Variants in COL11A2 observed in about 807,000 individuals in gnomAD.
COL11A2 encodes collagen type XI alpha 2 chain, also known as collagen alpha-2(XI) chain.
COL11A2 carries 116 observed loss-of-function variants against 273.4 expected under a neutral mutation model. The observed-to-expected ratio is 0.42, with a 90% CI of 0.36 to 0.49. The LOEUF (loss-of-function observed/expected upper bound fraction) is 0.49, where lower values mean the gene tolerates loss of function less well. Among genes scored for constraint, COL11A2 ranks in the 20% least tolerant of loss-of-function variants. The pLI, the probability that COL11A2 is intolerant of heterozygous loss-of-function variation, is 0.00. For missense variants in COL11A2, 1,866 were observed against 2,309.0 expected (o/e 0.81, Z 3.93); for synonymous variants, 782 against 864.2 (o/e 0.90, Z 1.67).
chr6:33,176,581 T>C lies in COL11A2; in HGVS notation c.2116-95A>G. The C allele has an allele frequency of 7.0e-7, 1 of 1,419,968 alleles. No individual in the cohort carries two copies. Among genetic ancestry groups the C allele is most frequent in the Admixed American group, 1.8e-5 (1 of 56,510 alleles). The allele number at this position is 1,419,968 out of a possible 1,614,324, so 88.0% of individuals were successfully genotyped here. A position where few individuals can be genotyped will look rare whatever the true frequency, so the allele number is the denominator to read the frequency against. ...AGAAATGGAAGTAACAACATTGCTG[T>C]CTGGGTAGGGTTACGGGGCACAGGA... On this transcript the variant is annotated intron_variant, in intron 26 of 65. Transcript: ENST00000341947. This position sits in a 1 kb window ranked among gnomAD's most constrained non-coding sequence, Gnocchi z 4.9.
In COL11A2 at chr6:33,168,976, G is replaced by A. The variant is rs1007732519; in HGVS notation, c.3831C>T (p.Pro1277=). 3 of 1,609,710 alleles carry A rather than the reference G, an allele frequency of 1.9e-6. No homozygotes were observed. The highest frequency in any genetic ancestry group is 2.5e-6 in the Non-Finnish European group (3 of 1,178,352). ...TCACCCGAGGGCCACCTTCTCCAGG[G>A]GGGCCAGGGTCACCAGGAAAACCAA... ...GPVGFPGDPG[P]PGEGGPRGQD... The change falls in exon 52 of 66, where the codon CCC becomes CCT. Residue 1277 remains proline, a synonymous_variant. Coordinates refer to ENST00000341947, the MANE Select transcript of COL11A2 (RefSeq NM_080680.3).
In COL11A2 at chr6:33,189,986, A is replaced by G. The variant is rs1359517440; in HGVS notation, c.83-517T>C. Among the ~76,000 whole-genome samples, 1 of 152,010 alleles carries G rather than the reference A, an allele frequency of 6.6e-6. No homozygotes were observed. The highest frequency in any genetic ancestry group is 1.5e-5 in the Non-Finnish European group (1 of 67,998). ...ATCTGTCCCGTCTCCAGCACAAACA[A>G]CATCTGGGCAATCGATCATCCTGGA... is the stretch of plus-strand genomic sequence containing the variant. On this transcript the variant is annotated intron_variant, in intron 1 of 65. Transcript: ENST00000341947. The surrounding 1 kb of genome is among the most constrained non-coding windows in gnomAD (Gnocchi z 5.6).
chr6:33,168,475 C>A, intron 54 of COL11A2, 44 bp downstream of exon 54: 1 of 1,609,930 alleles, frequency 6.2e-7, no homozygotes, highest in Non-Finnish European at 8.5e-7. Context: ...ACCCACACAG[C>A]CCAGGGACTG....
Position 33,181,181 on chromosome 6 carries a change from C to CGTCT in COL11A2, c.1120-12_1120-11insAGAC. The CGTCT allele has an allele frequency of 6.2e-7, 1 of 1,614,162 alleles. No homozygotes were observed. Among genetic ancestry groups the CGTCT allele is most frequent in the Non-Finnish European group, 8.5e-7 (1 of 1,180,012 alleles). ...GGGTCCATGGGCAGCCTGAAGGAGACACACATGTAGCCCCCAGTGGGGCCC... is the reference window on the plus strand; with the variant it reads ...GGGTCCATGGGCAGCCTGAAGGAGACGTCTACACATGTAGCCCCCAGTGGGGCCC... On this transcript the variant is annotated splice_polypyrimidine_tract_variant and intron_variant, in intron 8 of 65. Coordinates refer to ENST00000341947, the MANE Select transcript of COL11A2 (RefSeq NM_080680.3).
Position 33,164,367 on chromosome 6 carries a change from C to T in COL11A2, c.4970G>A (p.Gly1657Glu). 6.2e-7 allele frequency: 1 copy of T among 1,612,380 alleles called. No individual in the cohort carries two copies. ...AHQDVSYPCSGAARDGPLRLR... is the reference protein window; with the variant it reads ...AHQDVSYPCSEAARDGPLRLR... ...TCTCAGGGGACCGTCACGGGCTGCTCCAGAGCAGGGGTAGGAGACGTCCTG... is the reference window on the plus strand; with the variant it reads ...TCTCAGGGGACCGTCACGGGCTGCTTCAGAGCAGGGGTAGGAGACGTCCTG... The change falls in exon 65 of 66, where the codon GGA (glycine) becomes GAA (glutamate). Residue 1657 changes from glycine (G) to glutamate (E), a missense_variant. Coordinates refer to ENST00000341947, the MANE Select transcript of COL11A2 (RefSeq NM_080680.3). The surrounding 1 kb of genome is among the most constrained non-coding windows in gnomAD (Gnocchi z 4.7).
chr6:33,172,164 G>A (rs1282879053), intron 40 of COL11A2, 61 bp from the exon 41 acceptor site: 18 of 1,607,340 alleles, frequency 1.1e-5, no homozygotes, highest in Middle Eastern at 3.3e-4. Context: ...GAGAGCTGGA[G>A]AGGGAAGACA....
intron 5 of COL11A2, 49 bp from the exon 6 acceptor site, chr6:33,185,827 A>C (rs756340248): frequency 1.0e-5 from 6 of 583,046 alleles, no homozygotes; most frequent in South Asian, 8.6e-5. Context: ...GGTAATTGGA[A>C]GGTGTGGGGT....
chr6:33,183,051 G>A (rs1004160603), intron 8 of COL11A2, among the ~76,000 whole-genome samples: 2 of 152,174 alleles, frequency 1.3e-5, no homozygotes, highest in Admixed American at 6.5e-5. Context: ...AGGCAAGAGA[G>A]GGGAGGTATG....
In COL11A2 at chr6:33,177,350, C is replaced by T; in HGVS notation, c.1971+62G>A. 1.9e-6 allele frequency: 3 copies of T among 1,604,564 alleles called. No individual in the cohort carries two copies. The highest frequency in any genetic ancestry group is 1.1e-5 in the South Asian group (1 of 90,906). On this transcript the variant is annotated intron_variant, in intron 23 of 65. Coordinates refer to ENST00000341947, the MANE Select transcript of COL11A2 (RefSeq NM_080680.3). The surrounding 1 kb of genome is among the most constrained non-coding windows in gnomAD (Gnocchi z 5.9). ...TTTCCTGTATCCTTCCAGGGTCTCA[C>T]CCATTGTGGAAGCCCAAGGGAAGTC...
At chr6:33,192,990 C>G (rs545617656), upstream of COL11A2, among the ~76,000 whole-genome samples, 7 of 152,164 alleles carry the variant, frequency 4.6e-5, no homozygotes, top group African/African-American at 1.7e-4. Context: ...GGAAGGTGTT[C>G]TACGGAGAGC....
rs1272276115 is a variant in COL11A2 at position 33,166,088 on chromosome 6, G to A, written c.4428+83C>T. ...TCCTGGCTGGAATAAGGGGCTCCTT[G>A]GGGGGAGTCTATTTGTCCTGGAGAG... On this transcript the variant is annotated intron_variant, in intron 61 of 65. Coordinates refer to ENST00000341947, the MANE Select transcript of COL11A2 (RefSeq NM_080680.3). The surrounding 1 kb of genome is among the most constrained non-coding windows in gnomAD (Gnocchi z 4.8). 1.3e-5 allele frequency: 21 copies of A among 1,600,412 alleles called. No individual in the cohort carries two copies. The highest frequency in any genetic ancestry group is 4.0e-5 in the African/African-American group (3 of 74,756).
Position 33,172,091 on chromosome 6 carries a change from A to T in COL11A2, c.3001T>A (p.Leu1001Met). ...CCAGACGGACCTTCATTCCCCTTCA[A>T]ACCAGGTCCACCCTATGAACCAGAC... Reference protein sequence around the residue: ...GLPGTAGGPGLKGNEGPSGPP... With the variant: ...GLPGTAGGPGMKGNEGPSGPP... The change falls in exon 41 of 66, where the codon TTG (leucine) becomes ATG (methionine). Residue 1001 changes from leucine to methionine, a missense_variant. Physicochemically the swap from Leu to Met is conservative, Grantham distance 15 (BLOSUM62 2). Coordinates refer to ENST00000341947, the MANE Select transcript of COL11A2 (RefSeq NM_080680.3). 1.2e-6 allele frequency: 2 copies of T among 1,612,800 alleles called. No individual in the cohort carries two copies. The highest frequency in any genetic ancestry group is 1.7e-5 in the Admixed American group (1 of 60,000).
At position 33,177,668 on chromosome 6, in the gene COL11A2, C is replaced by A; in HGVS notation, c.1911G>T (p.Gly637=). ...TCTCCTATCCATCACTCACCAAGCT[C>A]CCTTTGGGGCCCTGGGGACCATCCA... ...RGMDGPQGPK[G]SLGPQGEPGP... Residue 637 remains glycine (G), a synonymous_variant, in exon 22 of 66, where the codon GGG becomes GGT. Coordinates refer to ENST00000341947, the MANE Select transcript of COL11A2 (RefSeq NM_080680.3). This position sits in a 1 kb window ranked among gnomAD's most constrained non-coding sequence, Gnocchi z 5.9. 6.2e-7 allele frequency: 1 copy of A among 1,612,964 alleles called. No individual in the cohort carries two copies. Among genetic ancestry groups the A allele is most frequent in the Non-Finnish European group, 8.5e-7 (1 of 1,180,002 alleles).
Position 33,178,057 on chromosome 6 carries a change from G to T in COL11A2, c.1872+75C>A. 1 of 1,440,566 alleles carries T rather than the reference G, an allele frequency of 6.9e-7. No homozygotes were observed. The highest frequency in any genetic ancestry group is 9.6e-7 in the Non-Finnish European group (1 of 1,040,850). 89.2% of individuals were successfully genotyped at this position (1,440,566 alleles called of 1,614,324 possible). On this transcript the variant is annotated intron_variant, in intron 21 of 65. Transcript: ENST00000341947. This position sits in a 1 kb window ranked among gnomAD's most constrained non-coding sequence, Gnocchi z 4.6. ...CATGCCGAGAGAGGAGAGGGAGCAG[G>T]AAGGCAGCTAGAAAGGTGGAGAGTT... is the stretch of plus-strand genomic sequence containing the variant.
At chr6:33,180,112 C>G in intron 12 of COL11A2, 146 bp downstream of exon 12, 1 of 921,094 alleles carries the variant, frequency 1.1e-6, no homozygotes, top group Non-Finnish European at 1.7e-6. Flanking sequence ...TCTCCCCAAC[C>G]CCAAAGACGA....
chr6:33,184,505 G>A (rs1772125181), intron 7 of COL11A2, among the ~76,000 whole-genome samples, 181 bp from the exon 8 acceptor site: 1 of 152,152 alleles, frequency 6.6e-6, no homozygotes, highest in African/African-American at 2.4e-5. Flanking sequence ...GGCCATCAAA[G>A]GCCAAAAATG....
rs1192709859 is a variant in COL11A2, at chr6:33,167,904, C to T, written c.3961-52G>A. 6.3e-7 allele frequency: 1 copy of T among 1,596,224 alleles called. No individual in the cohort carries two copies. ...ACATGAGGCCGTGGGCAGCCAGGCT[C>T]AACTCTTCCCCCTTCCTGTCCTAGA... On this transcript the variant is annotated intron_variant, in intron 54 of 65. Transcript: ENST00000341947. The surrounding 1 kb of genome is among the most constrained non-coding windows in gnomAD (Gnocchi z 6.1).
rs536317213 is a variant in COL11A2, at chr6:33,164,572, A to G, written c.4864-99T>C. On this transcript the variant is annotated intron_variant, in intron 64 of 65. Transcript: ENST00000341947. This position sits in a 1 kb window ranked among gnomAD's most constrained non-coding sequence, Gnocchi z 4.7. ...TCAGGAGCATCTACGGCACCAGGAC[A>G]GCTGAGCCAGAGTCATGAGCAGGGA... The G allele has an allele frequency of 5.5e-5, 57 of 1,031,412 alleles. No homozygotes were observed. The East Asian group carries it at 9.5e-4, about 17-fold the overall frequency. The allele number at this position is 1,031,412 out of a possible 1,614,324, so 63.9% of individuals were successfully genotyped here.
In COL11A2 at chr6:33,192,422, G is replaced by C. The variant is rs931038131; in HGVS notation, c.-182C>G. 3.1e-6 allele frequency: 2 copies of C among 642,240 alleles called. No homozygotes were observed. The highest frequency in any genetic ancestry group is 2.6e-5 in the Admixed American group (1 of 38,748). The allele number at this position is 642,240 out of a possible 1,614,324, so 39.8% of individuals were successfully genotyped here. A position where few individuals can be genotyped will look rare whatever the true frequency, so the allele number is the denominator to read the frequency against. On this transcript the variant is annotated 5_prime_UTR_variant, in exon 1 of 66. Transcript: ENST00000341947. ...CAGCTCCATGCAGCAAGGCGCCGTC[G>C]GGGCTCCCGGCACTGCTCCCTCCTC...
Sources: allele counts gnomAD v4.1 joint callset (sites outside exome capture counted in the v4.1 genomes callset), GRCh38; gene constraint gnomAD v4.1.1; non-coding constraint Gnocchi (gnomAD v3.1); transcripts MANE v1.5; gene names NCBI Gene and HGNC (gene_info 2026-07-23, HGNC 2026-07-21).